The following SPTA1 variants were observed in gnomAD, a reference collection of about 807,000 sequenced individuals.
SPTA1 encodes the protein spectrin alpha chain, erythrocytic 1.
A neutral mutation model predicts 324.7 loss-of-function variants in SPTA1; 177 were observed. The ratio of observed to expected loss-of-function variants is 0.55; its 90% CI spans 0.48 to 0.62. The LOEUF (loss-of-function observed/expected upper bound fraction) is 0.62. SPTA1 is among the 20% of genes least tolerant of loss of function. The pLI is 0.00. For synonymous variants in SPTA1, 1,195 were observed against 1,041.3 expected (o/e 1.15, Z -2.84); for missense variants, 3,162 against 2,883.6 (o/e 1.10, Z -2.21).
intron 8 of SPTA1, 146 bp downstream of exon 8, chr1:158,675,995 G>A: frequency 9.6e-7 from 1 of 1,040,866 alleles, no homozygotes; most frequent in Non-Finnish European, 1.4e-6. Flanking sequence ...GACTTCCTTT[G>A]GCAACTTAAA....
chr1:158,679,375 A>G (rs188273974), intron 5 of SPTA1, among the ~76,000 whole-genome samples: 2 of 152,268 alleles, frequency 1.3e-5, no homozygotes, highest in East Asian at 3.9e-4. Flanking sequence ...CAAAAGGTAG[A>G]GTATGTTTCC....
intron 27 of SPTA1, 105 bp from the exon 28 acceptor site, chr1:158,645,699 AT>A: frequency 3.3e-6 from 4 of 1,224,804 alleles, no homozygotes; most frequent in Middle Eastern, 1.9e-4. Context: ...CCAGAATAAC[AT>A]TTTTTATCTG....
chr1:158,625,076 C>T (rs766217205), intron 42 of SPTA1, among the ~76,000 whole-genome samples: 2 of 152,146 alleles, frequency 1.3e-5, no homozygotes, highest in Non-Finnish European at 2.9e-5. Context: ...AACAGACTCA[C>T]TTTTTCCATA....
chr1:158,649,317 T>C (rs558145471), intron 25 of SPTA1, among the ~76,000 whole-genome samples: 32 of 152,322 alleles, frequency 2.1e-4, no homozygotes, highest in East Asian at 3.9e-4. Flanking sequence ...TCTCACTCTG[T>C]TGCAATAGGC....
At position 158,662,897 on chromosome 1, in the gene SPTA1, C is replaced by G. The variant is rs746154685; in HGVS notation, c.2269G>C (p.Gly757Arg). Reference protein sequence around the residue: ...TDLAAYFEEIGHPDSKDIRAR... With the variant: ...TDLAAYFEEIRHPDSKDIRAR... ...CTTATATCCTTAGAATCAGGATGGC[C>G]TATTTCTTCAAAATATGCAGCCAGG... Residue 757 changes from glycine to arginine, a missense_variant, in exon 17 of 52, where the codon GGC (glycine) becomes CGC (arginine). Transcript: ENST00000643759. The G allele has an allele frequency of 6.2e-7, 1 of 1,614,072 alleles. No homozygotes were observed. The highest frequency in any genetic ancestry group is 1.7e-5 in the Admixed American group (1 of 60,016).
chr1:158,639,888 A>G lies in SPTA1; in HGVS notation c.4857T>C (p.Phe1619=), dbSNP rs764566377. 1.9e-5 allele frequency: 30 copies of G among 1,613,830 alleles called. No homozygotes were observed. In the East Asian group the frequency reaches 6.7e-4, roughly 36 times the overall value. The part of the protein sequence containing the change: ...QQRFNTSIRD[F]EFWLSEAETL... ...CAATTACCTCTGAGAGCCAGAACTC[A>G]AAGTCCCGGATGCTTGTGTTGAACC... Residue 1619 remains phenylalanine, a synonymous_variant, in exon 34 of 52, where the codon TTT becomes TTC. Transcript: ENST00000643759.
Sources: allele counts gnomAD v4.1 joint callset (sites outside exome capture counted in the v4.1 genomes callset), GRCh38; gene constraint gnomAD v4.1.1; transcripts MANE v1.5; gene names NCBI Gene and HGNC (gene_info 2026-07-23, HGNC 2026-07-21).